The following MPP4 variants were observed in gnomAD, a reference collection of about 807,000 sequenced individuals.
MPP4 encodes the protein MAGUK p55 scaffold protein 4.
MPP4 carries 91 observed loss-of-function variants against 98.3 expected under a neutral mutation model. The observed-to-expected ratio is 0.93, with a 90% CI of 0.78 to 1.10. The LOEUF is 1.10. Ranked by LOEUF, MPP4 falls within the 50% of genes least tolerant of loss-of-function variation. MPP4 has a pLI of 0.00. For synonymous variants in MPP4, 261 were observed against 271.8 expected, an observed-to-expected ratio of 0.96 and a Z score of 0.39; for missense variants, 744 against 792.9, an observed-to-expected ratio of 0.94 and a Z score of 0.74.
chr2:201,695,497 A>G (rs1689153509), intron 1 of MPP4, among the ~76,000 whole-genome samples: 1 of 152,212 alleles, frequency 6.6e-6, no homozygotes, highest in African/African-American at 2.4e-5. Flanking sequence ...CTGGTTTAAT[A>G]TACAATGGGG....
chr2:201,698,117 C>T, intron 1 of MPP4: 2 of 983,640 alleles, frequency 2.0e-6, no homozygotes, highest in East Asian at 2.3e-4. Context: ...TGACTGATGC[C>T]TAAGGAATTT....
chr2:201,651,029 C>T lies in MPP4; in HGVS notation c.1382-864G>A, dbSNP rs758913118. 1.8e-4 allele frequency: 177 copies of T among 985,076 alleles called. 1 individual carries two copies. Among genetic ancestry groups the T allele is most frequent in the Admixed American group, 1.0e-3 (17 of 16,270 alleles). The allele number at this position is 985,076 out of a possible 1,614,324, so 61.0% of individuals were successfully genotyped here. A position where few individuals can be genotyped will look rare whatever the true frequency, so the allele number is the denominator to read the frequency against. ...CAGGTATCATGTTAGGTTCTGAAAACACAAAGATGAGTAAGACAGTTTCAA... is the reference window on the plus strand; with the variant it reads ...CAGGTATCATGTTAGGTTCTGAAAATACAAAGATGAGTAAGACAGTTTCAA... On this transcript the variant is annotated intron_variant, in intron 18 of 21. Coordinates refer to ENST00000409474, the MANE Select transcript of MPP4 (RefSeq NM_033066.3).
chr2:201,682,325 C>T (rs1468776451), intron 8 of MPP4, among the ~76,000 whole-genome samples: 1 of 152,232 alleles, frequency 6.6e-6, no homozygotes, highest in Non-Finnish European at 1.5e-5. Flanking sequence ...CACTCCTCGC[C>T]TCAGTCTCTA....
At position 201,658,495 on chromosome 2, in the gene MPP4, C is replaced by T. The variant is rs528972968; in HGVS notation, c.1111G>A (p.Gly371Ser). The T allele has an allele frequency of 1.7e-5, 27 of 1,612,944 alleles. No individual in the cohort carries two copies. The highest frequency in any genetic ancestry group is 2.7e-5 in the African/African-American group (2 of 74,994). The part of the protein sequence containing the change: ...SEDKEEFVGY[G>S]QKFFIAGFRR... ...CACCTACCTATAAAGAACTTCTGACCGTAGCCAACAAACTCCTCCTTGTCT... is the reference window on the plus strand; with the variant it reads ...CACCTACCTATAAAGAACTTCTGACTGTAGCCAACAAACTCCTCCTTGTCT... Residue 371 changes from glycine (G) to serine (S), a missense_variant, in exon 16 of 22, where the codon GGT (glycine) becomes AGT (serine). By Grantham distance (56) the Gly-to-Ser change is moderately conservative. Coordinates refer to ENST00000409474, the MANE Select transcript of MPP4 (RefSeq NM_033066.3).
At position 201,695,680 on chromosome 2, in the gene MPP4, T is replaced by G. The variant is rs572567245; in HGVS notation, c.-100-1626A>C. 3.9e-5 allele frequency among the ~76,000 whole-genome samples: 6 copies of G among 152,202 alleles called. No homozygotes were observed. In the South Asian group the frequency reaches 6.2e-4, roughly 16 times the overall value. On this transcript the variant is annotated intron_variant, in intron 1 of 21. Coordinates refer to ENST00000409474, the MANE Select transcript of MPP4 (RefSeq NM_033066.3). ...TTTTATACACCAATGGCAACCTTGG[T>G]ATATAAATACCCTCACTCTCTTGGC...
chr2:201,695,495 A>T (rs796308559), intron 1 of MPP4, among the ~76,000 whole-genome samples: 1 of 152,198 alleles, frequency 6.6e-6, no homozygotes, highest in South Asian at 2.1e-4. Context: ...CACTGGTTTA[A>T]TATACAATGG....
chr2:201,681,363 T>C, intron 9 of MPP4, 133 bp downstream of exon 9: 2 of 773,892 alleles, frequency 2.6e-6, no homozygotes, highest in Non-Finnish European at 4.3e-6. Context: ...GCCATCAGTA[T>C]TGAAAAATAT....
intron 21 of MPP4, 33 bp from the exon 22 acceptor site, chr2:201,645,437 A>G (rs768586688): frequency 3.2e-6 from 5 of 1,544,300 alleles, no homozygotes; most frequent in Non-Finnish European, 4.4e-6. Flanking sequence ...TGGATAGTAC[A>G]GACTTAATTG....
chr2:201,662,655 T>G (rs1019321689), intron 14 of MPP4, among the ~76,000 whole-genome samples: 33 of 151,930 alleles, frequency 2.2e-4, no homozygotes, highest in African/African-American at 8.0e-4. Flanking sequence ...AAATATTCCT[T>G]ATATGAAGTA....
intron 10 of MPP4, 181 bp downstream of exon 10, chr2:201,680,657 T>G: frequency 1.8e-6 from 1 of 567,470 alleles, no homozygotes; most frequent in Non-Finnish European, 3.1e-6. Flanking sequence ...TCTCGTCTCC[T>G]TGGTATTTAA....
chr2:201,660,348 T>C lies in MPP4; in HGVS notation c.1073-2A>G. 1 of 1,613,276 alleles carries C rather than the reference T, an allele frequency of 6.2e-7. No individual in the cohort carries two copies. The highest frequency in any genetic ancestry group is 8.5e-7 in the Non-Finnish European group (1 of 1,179,254). On this transcript the variant is annotated splice_acceptor_variant, in intron 14 of 21. Coordinates refer to ENST00000409474, the MANE Select transcript of MPP4 (RefSeq NM_033066.3). LOFTEE classifies it high-confidence loss of function. ...AACAATTACCTTCTGAAAGTTCCTCTGGATATTTGGGTAAGTGCAGAAACA... is the reference window on the plus strand; with the variant it reads ...AACAATTACCTTCTGAAAGTTCCTCCGGATATTTGGGTAAGTGCAGAAACA...
chr2:201,660,390 G>A (rs1290881616), intron 14 of MPP4, 44 bp from the exon 15 acceptor site: 3 of 1,607,826 alleles, frequency 1.9e-6, no homozygotes, highest in Non-Finnish European at 2.6e-6. Context: ...AAAAAGTTAA[G>A]CCTTTAAGAA....
chr2:201,663,263 G>A (rs555189217), intron 14 of MPP4, among the ~76,000 whole-genome samples: 4 of 152,264 alleles, frequency 2.6e-5, no homozygotes, highest in East Asian at 1.9e-4. Flanking sequence ...CAGAAGATAC[G>A]TGGGTCAAGA....
At chr2:201,686,191 T>G (rs1221384904) in intron 5 of MPP4, 141 bp from the exon 6 acceptor site, 1 of 941,410 alleles carries the variant, frequency 1.1e-6, no homozygotes, top group Non-Finnish European at 1.5e-6. Context: ...CGAAGCATTT[T>G]ATATGAATTA....
At chr2:201,679,459 C>G (rs988754595) in intron 10 of MPP4, among the ~76,000 whole-genome samples, 1 of 152,170 alleles carries the variant, frequency 6.6e-6, no homozygotes, top group African/African-American at 2.4e-5. Flanking sequence ...CTTATGATTT[C>G]TCATTTCACT....
rs767864525 is a variant in MPP4, at chr2:201,645,170, A to G, written c.*40T>C. ...GATTGCAACTATGGATCGCTGTATC[A>G]AGGGTACAGTGTTAAAACTCCAGCA... On this transcript the variant is annotated 3_prime_UTR_variant, in exon 22 of 22. Transcript: ENST00000409474. The G allele has an allele frequency of 1.8e-5, 27 of 1,528,924 alleles. 1 individual carries two copies. In the South Asian group the frequency reaches 3.3e-4, roughly 19 times the overall value. 94.7% of individuals were successfully genotyped at this position (1,528,924 alleles called of 1,614,324 possible).
chr2:201,662,026 A>G (rs1214709149), intron 14 of MPP4: 12 of 368,228 alleles, frequency 3.3e-5, no homozygotes, highest in Middle Eastern at 3.6e-4. Flanking sequence ...ATTTTGAAAC[A>G]ACATAAATGT....
Position 201,682,751 on chromosome 2 carries a change from C to T in MPP4, c.660+80G>A, listed in dbSNP as rs149300063. 3.5e-4 allele frequency: 429 copies of T among 1,216,384 alleles called. 2 individuals carry two copies. The African/African-American group carries it at 5.2e-3, about 15-fold the overall frequency. 75.3% of individuals were successfully genotyped at this position (1,216,384 alleles called of 1,614,324 possible). A position where few individuals can be genotyped will look rare whatever the true frequency, so the allele number is the denominator to read the frequency against. ...CTTGAGTCCCCGGTACATCCCAGTGCACACACGTGGGCTTGATGGTCCCAG... is the reference window on the plus strand; with the variant it reads ...CTTGAGTCCCCGGTACATCCCAGTGTACACACGTGGGCTTGATGGTCCCAG... On this transcript the variant is annotated intron_variant, in intron 8 of 21. Transcript: ENST00000409474.
intron 3 of MPP4, among the ~76,000 whole-genome samples, chr2:201,690,925 G>T (rs540912338): frequency 7.9e-5 from 12 of 152,304 alleles, no homozygotes; most frequent in African/African-American, 2.6e-4. Context: ...AGCCTGCCTA[G>T]CTCTGCAATG....
Sources: gnomAD v4.1 joint callset for allele counts (sites outside exome capture counted in the v4.1 genomes callset) on GRCh38, gnomAD v4.1.1 for gene constraint, MANE v1.5 for transcripts, NCBI Gene and HGNC (gene_info 2026-07-23, HGNC 2026-07-21) for gene names.